The following GAS7 variants were observed in gnomAD, a reference collection of about 807,000 sequenced individuals.
GAS7 encodes growth arrest-specific protein 7.
Under a neutral mutation model 71.1 loss-of-function variants are expected in GAS7, and 28 were observed. The ratio of observed to expected loss-of-function variants is 0.39; its 90% CI spans 0.29 to 0.54. The LOEUF is 0.54. Among genes scored for constraint, GAS7 ranks in the 20% least tolerant of loss-of-function variants. The probability of loss-of-function intolerance (pLI) is 0.62; values close to 1 mark genes in which losing one functional copy is unlikely to be tolerated. For missense variants in GAS7, 436 were observed against 627.8 expected, an observed-to-expected ratio of 0.69 and a Z score of 3.27; for synonymous variants, 258 against 245.8, an observed-to-expected ratio of 1.05 and a Z score of -0.46.
intron 1 of GAS7, among the ~76,000 whole-genome samples, chr17:10,121,417 A>G (rs1371684729): frequency 6.6e-6 from 1 of 152,052 alleles, no homozygotes; most frequent in Non-Finnish European, 1.5e-5. Context: ...TTAAAAAAAG[A>G]ACTTGGGCTC....
intron 1 of GAS7, among the ~76,000 whole-genome samples, chr17:10,173,049 A>G (rs1253318054): frequency 6.6e-6 from 1 of 152,230 alleles, no homozygotes; most frequent in Admixed American, 6.5e-5. Flanking sequence ...AACCCTGAAG[A>G]CATCATGTCA....
At chr17:10,177,094 G>A (rs553655107) in intron 1 of GAS7, among the ~76,000 whole-genome samples, 5 of 152,198 alleles carry the variant, frequency 3.3e-5, no homozygotes, top group Non-Finnish European at 5.9e-5. Flanking sequence ...ATAAGGCATC[G>A]CAGTCCCATG....
chr17:9,931,687 A>C (rs2068213361), intron 9 of GAS7, among the ~76,000 whole-genome samples: 2 of 152,248 alleles, frequency 1.3e-5, no homozygotes, highest in African/African-American at 4.8e-5. Context: ...CTTGAGTAGC[A>C]ATTTTCTACT....
chr17:10,001,259 GA>G (rs1161303571), intron 2 of GAS7, among the ~76,000 whole-genome samples: 1 of 152,188 alleles, frequency 6.6e-6, no homozygotes, highest in Admixed American at 6.5e-5. Flanking sequence ...GGAAGCAAAA[GA>G]AAGTCTTGGT....
chr17:10,014,819 G>A (rs2071925883), intron 2 of GAS7, among the ~76,000 whole-genome samples: 1 of 152,144 alleles, frequency 6.6e-6, no homozygotes, highest in South Asian at 2.1e-4. Flanking sequence ...GGCTAGCACA[G>A]TGACAACCTC....
chr17:10,005,857 T>C (rs2071507975), intron 2 of GAS7, among the ~76,000 whole-genome samples: 1 of 151,924 alleles, frequency 6.6e-6, no homozygotes, highest in Non-Finnish European at 1.5e-5. Context: ...TCCCTAGGAG[T>C]CCAGTAATCA....
intron 1 of GAS7, among the ~76,000 whole-genome samples, chr17:10,118,192 TGGAGTAAACA>T (rs150369923): frequency 0.32 from 48,475 of 151,766 alleles, 8,245 homozygotes; most frequent in East Asian, 0.62. Context: ...ATGATAGAGA[TGGAGTAAACA>T]GGGATATCGC....
intron 1 of GAS7, among the ~76,000 whole-genome samples, chr17:10,170,899 T>A (rs753196025): frequency 1.3e-5 from 2 of 152,154 alleles, no homozygotes; most frequent in African/African-American, 2.4e-5. Flanking sequence ...CTGCCACACA[T>A]AAATACCATC....
intron 1 of GAS7, among the ~76,000 whole-genome samples, chr17:10,158,732 A>G (rs969588961): frequency 1.3e-4 from 19 of 151,946 alleles, no homozygotes; most frequent in African/African-American, 4.6e-4. Flanking sequence ...CAAATTTTTC[A>G]TAATAAAATT....
At chr17:10,042,620 GTC>G (rs2072889395) in intron 1 of GAS7, among the ~76,000 whole-genome samples, 1 of 152,204 alleles carries the variant, frequency 6.6e-6, no homozygotes, top group Non-Finnish European at 1.5e-5. Flanking sequence ...TATCAAAGGA[GTC>G]TTCAACAGTG....
At chr17:10,166,333 C>G (rs1294388531) in intron 1 of GAS7, among the ~76,000 whole-genome samples, 1 of 152,160 alleles carries the variant, frequency 6.6e-6, no homozygotes, top group Non-Finnish European at 1.5e-5. Flanking sequence ...ACTTTCCACA[C>G]CAGCTCCTTT....
intron 1 of GAS7, among the ~76,000 whole-genome samples, chr17:10,049,551 T>C (rs72809308): frequency 0.14 from 20,708 of 151,382 alleles, 1,455 homozygotes; most frequent in East Asian, 0.26. Flanking sequence ...AATTTTACTT[T>C]ATTTAAAAAT....
chr17:10,097,528 C>G (rs28367368), intron 1 of GAS7, among the ~76,000 whole-genome samples: 4 of 152,196 alleles, frequency 2.6e-5, no homozygotes, highest in African/African-American at 9.7e-5. Flanking sequence ...GAAGCAGGTG[C>G]AGCAGCTCTT....
At chr17:10,036,031 T>G (rs1349437989) in intron 1 of GAS7, among the ~76,000 whole-genome samples, 1 of 152,172 alleles carries the variant, frequency 6.6e-6, no homozygotes, top group Non-Finnish European at 1.5e-5. Context: ...TGGAAAAAGT[T>G]ACATGGAGGA....
intron 2 of GAS7, among the ~76,000 whole-genome samples, chr17:9,991,853 C>T (rs527360791): frequency 6.6e-6 from 1 of 151,654 alleles, no homozygotes; most frequent in Non-Finnish European, 1.5e-5. Context: ...ATATGACTCC[C>T]ATCTTATGGT....
intron 9 of GAS7, among the ~76,000 whole-genome samples, chr17:9,933,353 C>A (rs1034339478): frequency 1.7e-4 from 26 of 152,188 alleles, no homozygotes; most frequent in African/African-American, 5.8e-4. Context: ...CTTTGAAAGC[C>A]AGGCAAAAAG....
rs75965830 is a variant in GAS7, at chr17:10,176,040, G to A, written c.183+22168C>T. On this transcript the variant is annotated intron_variant, in intron 1 of 13. Transcript: ENST00000432992. ...ACCCTCTGATCCTAGGGACCCCTGAGTCCTGTCCACTCCATCTCATTCTCG... is the reference window on the plus strand; with the variant it reads ...ACCCTCTGATCCTAGGGACCCCTGAATCCTGTCCACTCCATCTCATTCTCG... Among the ~76,000 whole-genome samples, 1,381 of 152,304 alleles carry A rather than the reference G, an allele frequency of 9.1e-3. 20 individuals carry two copies. Among genetic ancestry groups the A allele is most frequent in the African/African-American group, 0.03 (1,238 of 41,564 alleles).
At chr17:9,975,835 C>T (rs1009053550) in intron 3 of GAS7, among the ~76,000 whole-genome samples, 1 of 152,216 alleles carries the variant, frequency 6.6e-6, no homozygotes, top group Admixed American at 6.5e-5. Flanking sequence ...ACGCAGAACC[C>T]GTTGAGGGAA....
intron 1 of GAS7, among the ~76,000 whole-genome samples, chr17:10,043,849 C>G (rs1368721544): frequency 6.6e-6 from 1 of 152,190 alleles, no homozygotes; most frequent in Non-Finnish European, 1.5e-5. Context: ...CAAGAGTATT[C>G]TTGAACCCTG....
Sources: allele counts gnomAD v4.1 joint callset (sites outside exome capture counted in the v4.1 genomes callset), GRCh38; gene constraint gnomAD v4.1.1; transcripts MANE v1.5; gene names NCBI Gene and HGNC (gene_info 2026-07-23, HGNC 2026-07-21).